Variants in ZNF676 observed in about 807,000 individuals in gnomAD.
ZNF676 encodes the protein zinc finger protein 676.
ZNF676 carries 4 observed loss-of-function variants against 6.0 expected under a neutral mutation model. The observed-to-expected ratio is 0.67, with a 90% CI of 0.33 to 1.53. The LOEUF is 1.53. ZNF676 is among the 40% of genes most tolerant of loss of function. The pLI is 0.06. For missense variants in ZNF676, 644 were observed against 679.7 expected, an observed-to-expected ratio of 0.95 and a Z score of 0.58; for synonymous variants, 198 against 223.1, an observed-to-expected ratio of 0.89 and a Z score of 1.00.
chr19:22,237,266 C>G, the ZNF676 span, among the ~76,000 whole-genome samples: 1 of 152,146 alleles, frequency 6.6e-6, no homozygotes, highest in Non-Finnish European at 1.5e-5. Flanking sequence ...GCTAACCAAG[C>G]AAATAAACTA....
intron 2 of ZNF676, among the ~76,000 whole-genome samples, chr19:22,187,350 C>T (rs1196606419): frequency 6.6e-6 from 1 of 152,182 alleles, no homozygotes; most frequent in African/African-American, 2.4e-5. Context: ...ATACCAGAAT[C>T]TCTGGGACAC....
intron 1 of ZNF676, among the ~76,000 whole-genome samples, chr19:22,211,289 G>A (rs1369602114): frequency 6.6e-6 from 1 of 152,058 alleles, no homozygotes; most frequent in Non-Finnish European, 1.5e-5. Flanking sequence ...TTCCATGGCT[G>A]CGGTAAGCAG....
the ZNF676 span, among the ~76,000 whole-genome samples, chr19:22,236,177 A>G: frequency 1.3e-5 from 2 of 151,932 alleles, no homozygotes; most frequent in Non-Finnish European, 2.9e-5. Context: ...AGGCAGCTCT[A>G]ATGGCTTCCA....
chr19:22,217,767 G>C (rs76780453), upstream of ZNF676, among the ~76,000 whole-genome samples: 6,140 of 151,860 alleles, frequency 0.04, 409 homozygotes, highest in African/African-American at 0.14. Flanking sequence ...GCAGTGGTGC[G>C]ATCTTGGCTT....
At chr19:22,223,676 C>G in the ZNF676 span, among the ~76,000 whole-genome samples, 9 of 151,822 alleles carry the variant, frequency 5.9e-5, no homozygotes, top group African/African-American at 2.2e-4. Context: ...AGTAGGCATT[C>G]CTTATTTACT....
chr19:22,215,771 C>G (rs2024178569), exon 1 of ZNF676: 1 of 1,100,980 alleles, frequency 9.1e-7, no homozygotes, highest in African/African-American at 1.7e-5. Flanking sequence ...AGACAAAGGA[C>G]CGACCACATC....
chr19:22,209,688 G>A (rs1222564474), intron 1 of ZNF676, among the ~76,000 whole-genome samples: 1 of 152,136 alleles, frequency 6.6e-6, no homozygotes, highest in Non-Finnish European at 1.5e-5. Context: ...TGGAGAGAGT[G>A]CAATGCAGGT....
At chr19:22,204,818 G>A (rs1003787630) in intron 1 of ZNF676, among the ~76,000 whole-genome samples, 1 of 152,022 alleles carries the variant, frequency 6.6e-6, no homozygotes, top group Admixed American at 6.6e-5. Context: ...ATGAATCTCA[G>A]GTCCCAGATA....
At position 22,179,935 on chromosome 19, in the gene ZNF676, A is replaced by G. The variant is rs1248713989; in HGVS notation, c.*15T>C. 2 of 1,608,906 alleles carry G rather than the reference A, an allele frequency of 1.2e-6. No homozygotes were observed. Among genetic ancestry groups the G allele is most frequent in the South Asian group, 2.2e-5 (2 of 90,738 alleles). On this transcript the variant is annotated 3_prime_UTR_variant, in exon 3 of 3. Transcript: ENST00000397121. ...CTGAGAATCAGCTGAAGGATTTACC[A>G]CATTCTTCACATTTTTAGGGATTCT...
At position 22,179,475 on chromosome 19, in the gene ZNF676, G is replaced by T. The variant is rs542420602; in HGVS notation, c.*475C>A. On this transcript the variant is annotated 3_prime_UTR_variant, in exon 3 of 3. Transcript: ENST00000397121. The stretch of plus-strand genomic sequence containing the variant: ...GAATTCCCTCCAGTATGAATTACAT[G>T]AATGTTTAGTAAGGATTGAGGAACA... 155 of 373,552 alleles carry T rather than the reference G, an allele frequency of 4.1e-4. No individual in the cohort carries two copies. Among genetic ancestry groups the T allele is most frequent in the Non-Finnish European group, 4.2e-5 (8 of 190,128 alleles). 23.1% of individuals were successfully genotyped at this position (373,552 alleles called of 1,614,324 possible).
chr19:22,210,144 AT>A (rs2024115062), intron 1 of ZNF676, among the ~76,000 whole-genome samples: 1 of 152,184 alleles, frequency 6.6e-6, no homozygotes, highest in African/African-American at 2.4e-5. Context: ...AGAGCTTCCC[AT>A]TCCCAGACAC....
At chr19:22,254,682 G>A in the ZNF676 span, among the ~76,000 whole-genome samples, 6 of 152,106 alleles carry the variant, frequency 3.9e-5, no homozygotes, top group Non-Finnish European at 7.4e-5. Context: ...AAAAGTGTTT[G>A]GTCCAGGCAG....
intron 1 of ZNF676, chr19:22,215,617 A>C: frequency 6.2e-7 from 1 of 1,609,534 alleles, no homozygotes; most frequent in South Asian, 1.1e-5. Context: ...AGTGTGTCGG[A>C]CCCGGCACAC....
chr19:22,182,596 A>C (rs1230553656), intron 2 of ZNF676, among the ~76,000 whole-genome samples: 1 of 139,184 alleles, frequency 7.2e-6, no homozygotes, highest in African/African-American at 2.6e-5. Context: ...AAAAAAAAAA[A>C]AAAAAAGCAA....
At chr19:22,201,290 T>C (rs1008177955), upstream of ZNF676, among the ~76,000 whole-genome samples, 1 of 152,188 alleles carries the variant, frequency 6.6e-6, no homozygotes, top group African/African-American at 2.4e-5. Flanking sequence ...GCCTCTCACA[T>C]AACTGGGGCA....
chr19:22,245,663 T>A, the ZNF676 span, among the ~76,000 whole-genome samples: 7 of 151,986 alleles, frequency 4.6e-5, no homozygotes, highest in Non-Finnish European at 1.5e-5. Context: ...TATATCACAA[T>A]CCCTAATTCA....
chr19:22,196,400 C>T (rs1266326090), intron 1 of ZNF676, among the ~76,000 whole-genome samples, 200 bp downstream of exon 1: 6 of 152,118 alleles, frequency 3.9e-5, no homozygotes, highest in African/African-American at 1.4e-4. Flanking sequence ...ATCTCCTTTA[C>T]TCAATAAATA....
At chr19:22,196,243 C>G (rs187603438) in intron 1 of ZNF676, among the ~76,000 whole-genome samples, 42 of 152,206 alleles carry the variant, frequency 2.8e-4, no homozygotes, top group Admixed American at 2.7e-3. Context: ...GCTCCTGCCA[C>G]CAGAAGGTAT....
chr19:22,260,102 A>G, the ZNF676 span, among the ~76,000 whole-genome samples: 2 of 152,154 alleles, frequency 1.3e-5, no homozygotes, highest in Non-Finnish European at 2.9e-5. Flanking sequence ...GGGTGTCCAC[A>G]GTTCTGGCCC....
Sources: allele counts gnomAD v4.1 joint callset (sites outside exome capture counted in the v4.1 genomes callset), GRCh38; gene constraint gnomAD v4.1.1; transcripts MANE v1.5; gene names NCBI Gene and HGNC (gene_info 2026-07-23, HGNC 2026-07-21).